The following RPTOR variants were observed in gnomAD, a reference collection of about 807,000 sequenced individuals.
RPTOR encodes the protein regulatory associated protein of MTOR complex 1.
A neutral mutation model predicts 169.9 loss-of-function variants in RPTOR; 21 were observed. The ratio of observed to expected loss-of-function variants is 0.12; its 90% CI spans 0.09 to 0.18. RPTOR has a LOEUF of 0.18. RPTOR is among the 10% of genes least tolerant of loss of function. The probability of loss-of-function intolerance (pLI) is 1.00; values close to 1 mark genes in which losing one functional copy is unlikely to be tolerated. For synonymous variants in RPTOR, 732 were observed against 753.2 expected (o/e 0.97, Z 0.46); for missense variants, 1,133 against 1,855.9 (o/e 0.61, Z 7.16).
chr17:80,566,797 G>A (rs1311482384), intron 1 of RPTOR, among the ~76,000 whole-genome samples: 3 of 119,162 alleles, frequency 2.5e-5, no homozygotes, highest in South Asian at 2.9e-4. Flanking sequence ...GCACTCCAGC[G>A]TGGGCGACAG....
At chr17:80,742,064 G>T (rs1035382057) in intron 5 of RPTOR, among the ~76,000 whole-genome samples, 3 of 152,192 alleles carry the variant, frequency 2.0e-5, no homozygotes, top group Non-Finnish European at 2.9e-5. Flanking sequence ...GCCATTGCTG[G>T]ATTTAACAAA....
intron 1 of RPTOR, among the ~76,000 whole-genome samples, chr17:80,608,562 C>T (rs2065245046): frequency 6.6e-6 from 1 of 152,176 alleles, no homozygotes; most frequent in Non-Finnish European, 1.5e-5. Flanking sequence ...AACTGAGATT[C>T]AGAGAGGTTA....
intron 15 of RPTOR, 92 bp downstream of exon 15, chr17:80,883,576 C>T: frequency 1.5e-6 from 2 of 1,349,626 alleles, no homozygotes; most frequent in East Asian, 2.3e-5. Flanking sequence ...ACATGGGGGA[C>T]AGGGGGTGTC....
intron 17 of RPTOR, among the ~76,000 whole-genome samples, chr17:80,887,502 A>T (rs926080836): frequency 6.6e-6 from 1 of 152,056 alleles, no homozygotes; most frequent in Non-Finnish European, 1.5e-5. Context: ...TCTGCAGGGG[A>T]CTTGGGCACA....
intron 6 of RPTOR, among the ~76,000 whole-genome samples, chr17:80,785,994 T>C (rs1294954792): frequency 3.9e-5 from 6 of 151,976 alleles, no homozygotes; most frequent in Admixed American, 1.3e-4. Flanking sequence ...CGTCTGTCCA[T>C]GGGGAGAGGA....
At chr17:80,750,439 AG>A (rs1455382200) in intron 5 of RPTOR, among the ~76,000 whole-genome samples, 1 of 152,164 alleles carries the variant, frequency 6.6e-6, no homozygotes, top group Non-Finnish European at 1.5e-5. Context: ...CACTCCACGG[AG>A]GTCTGCCTCA....
Position 80,964,264 on chromosome 17 carries a change from T to C in RPTOR, c.3942T>C (p.Pro1314=). 1 of 1,578,378 alleles carries C rather than the reference T, an allele frequency of 6.3e-7. No homozygotes were observed. The highest frequency in any genetic ancestry group is 8.6e-7 in the Non-Finnish European group (1 of 1,163,568). The change falls in exon 34 of 34, where the codon CCT becomes CCC. Residue 1314 remains proline (P), a splice_region_variant and synonymous_variant. Transcript: ENST00000306801. ...TCACCCCTTCTCTCTCCTTGCAGCC[T>C]CACCTGGCCGTGGGAAGCAACGACT... is the stretch of plus-strand genomic sequence containing the variant. ...ISCLAFHPHW[P]HLAVGSNDYY... is the part of the protein sequence containing the mutation.
At position 80,844,075 on chromosome 17, in the gene RPTOR, G is replaced by A. The variant is rs1294588779; in HGVS notation, c.1213-2398G>A. Among the ~76,000 whole-genome samples the A allele has an allele frequency of 6.6e-6, 1 of 152,138 alleles. No individual in the cohort carries two copies. Among genetic ancestry groups the A allele is most frequent in the South Asian group, 2.1e-4 (1 of 4,824 alleles). On this transcript the variant is annotated intron_variant, in intron 10 of 33. Transcript: ENST00000306801. This position sits in a 1 kb window ranked among gnomAD's most constrained non-coding sequence, Gnocchi z 4.7. ...GGGGCCAGCTCAGGAGCTCTTCATG[G>A]GGTGGAGAAAATCTCAGAGATTTGG... is the stretch of plus-strand genomic sequence containing the variant.
intron 1 of RPTOR, among the ~76,000 whole-genome samples, chr17:80,550,141 G>A (rs1165445654): frequency 1.3e-5 from 2 of 152,090 alleles, no homozygotes; most frequent in African/African-American, 4.8e-5. Flanking sequence ...CTCACCTTGC[G>A]TCCTCTCCAC....
intron 1 of RPTOR, chr17:80,602,882 A>T: frequency 2.1e-6 from 1 of 483,034 alleles, no homozygotes; most frequent in Non-Finnish European, 3.8e-6. Context: ...CGCTGATTGC[A>T]GAATGGCCGT....
intron 7 of RPTOR, among the ~76,000 whole-genome samples, chr17:80,814,095 C>T (rs999170177): frequency 2.6e-5 from 4 of 152,136 alleles, no homozygotes; most frequent in Non-Finnish European, 4.4e-5. Context: ...GAGCTGAGAT[C>T]AAGCCTGTGC....
chr17:80,876,116 C>T (rs1356608301), intron 13 of RPTOR, among the ~76,000 whole-genome samples: 2 of 138,806 alleles, frequency 1.4e-5, no homozygotes, highest in East Asian at 2.3e-4. Flanking sequence ...CCACCGAGCC[C>T]GTGCTGCCCA....
chr17:80,913,687 A>C (rs2068638311), intron 21 of RPTOR, among the ~76,000 whole-genome samples: 1 of 152,146 alleles, frequency 6.6e-6, no homozygotes, highest in African/African-American at 2.4e-5. Flanking sequence ...TCCTAGGCTC[A>C]AGTGATTCAC....
Position 80,685,857 on chromosome 17 carries a change from C to T in RPTOR, c.349-21984C>T, listed in dbSNP as rs112722222. 2.3e-3 allele frequency among the ~76,000 whole-genome samples: 355 copies of T among 151,320 alleles called. 1 individual carries two copies. The highest frequency in any genetic ancestry group is 8.2e-3 in the African/African-American group (339 of 41,266). On this transcript the variant is annotated intron_variant, in intron 3 of 33. Coordinates refer to ENST00000306801, the MANE Select transcript of RPTOR (RefSeq NM_020761.3). ...ACCCCCAGAGTCGTCCTGGGAGCAGCACTCGGAAATGCCCGACAAGAACCC... is the reference window on the plus strand; with the variant it reads ...ACCCCCAGAGTCGTCCTGGGAGCAGTACTCGGAAATGCCCGACAAGAACCC...
At chr17:80,840,280 A>T (rs2067613103) in intron 10 of RPTOR, among the ~76,000 whole-genome samples, 1 of 151,386 alleles carries the variant, frequency 6.6e-6, no homozygotes, top group African/African-American at 2.4e-5. Flanking sequence ...GAGTAAGCTC[A>T]CTCTCTCTGC....
chr17:80,600,605 G>T (rs1453581740), intron 1 of RPTOR, among the ~76,000 whole-genome samples: 1 of 152,134 alleles, frequency 6.6e-6, no homozygotes, highest in Non-Finnish European at 1.5e-5. Context: ...TTTAGACCTG[G>T]ATTGGGAAGA....
chr17:80,558,254 T>A (rs1417871370), intron 1 of RPTOR, among the ~76,000 whole-genome samples: 1 of 152,192 alleles, frequency 6.6e-6, no homozygotes, highest in Non-Finnish European at 1.5e-5. Context: ...TGAGCTATGA[T>A]GGTGTCACTG....
At chr17:80,920,561 G>A (rs988015455) in intron 21 of RPTOR, among the ~76,000 whole-genome samples, 21 of 152,368 alleles carry the variant, frequency 1.4e-4, no homozygotes, top group African/African-American at 5.1e-4. Flanking sequence ...AGAGCAGAGG[G>A]TTCGTCACCA....
rs372947373 is a variant in RPTOR at position 80,845,658 on chromosome 17, C to T, written c.1213-815C>T. 2.1e-4 allele frequency among the ~76,000 whole-genome samples: 32 copies of T among 152,186 alleles called. No homozygotes were observed. The South Asian group carries it at 6.0e-3, about 29-fold the overall frequency. On this transcript the variant is annotated intron_variant, in intron 10 of 33. Transcript: ENST00000306801. This position sits in a 1 kb window ranked among gnomAD's most constrained non-coding sequence, Gnocchi z 5.4. ...CCCCCAGCTGGGTCTTTCTCACCAGCGTCCTGTCCCCATTACTCCACATCT... is the reference window on the plus strand; with the variant it reads ...CCCCCAGCTGGGTCTTTCTCACCAGTGTCCTGTCCCCATTACTCCACATCT...
Sources: allele counts gnomAD v4.1 joint callset (sites outside exome capture counted in the v4.1 genomes callset), GRCh38; gene constraint gnomAD v4.1.1; non-coding constraint Gnocchi (gnomAD v3.1); transcripts MANE v1.5; gene names NCBI Gene and HGNC (gene_info 2026-07-23, HGNC 2026-07-21).